IQCH: variants seen among roughly 807,000 people sequenced by gnomAD.
IQCH encodes the protein IQ domain-containing protein H.
In IQCH, 98 loss-of-function variants were observed where a neutral mutation model predicts 117.0. The ratio of observed to expected loss-of-function variants is 0.84; its 90% CI spans 0.71 to 0.99. The LOEUF is 0.99. Among genes scored for constraint, IQCH ranks in the 50% least tolerant of loss-of-function variants. IQCH has a pLI of 0.00. For synonymous variants in IQCH, 412 were observed against 448.2 expected (o/e 0.92, Z 1.02); for missense variants, 1,102 against 1,243.8 (o/e 0.89, Z 1.72).
At chr15:67,298,106 C>T (rs999872521) in intron 4 of IQCH, among the ~76,000 whole-genome samples, 1 of 151,958 alleles carries the variant, frequency 6.6e-6, no homozygotes, top group African/African-American at 2.4e-5. Flanking sequence ...GTCAGGAGTT[C>T]CAGACCAGCC....
intron 4 of IQCH, among the ~76,000 whole-genome samples, chr15:67,326,878 G>T (rs962596027): frequency 6.6e-6 from 1 of 152,054 alleles, no homozygotes; most frequent in African/African-American, 2.4e-5. Context: ...TCAGTAAATT[G>T]ATTTCAGATT....
chr15:67,321,440 TTTTC>T (rs977241124), intron 4 of IQCH, among the ~76,000 whole-genome samples: 7 of 151,720 alleles, frequency 4.6e-5, no homozygotes, highest in African/African-American at 1.5e-4. Context: ...CCTTCTTTTC[TTTTC>T]TTTCTTTCCT....
At chr15:67,340,450 A>AAAC (rs1567110027) in intron 5 of IQCH, among the ~76,000 whole-genome samples, 2 of 121,140 alleles carry the variant, frequency 1.7e-5, no homozygotes, top group Non-Finnish European at 3.5e-5. Flanking sequence ...AAAAAAAAAA[A>AAAC]AAAAAAAAAA....
At chr15:67,329,134 A>G (rs779497182) in intron 4 of IQCH, among the ~76,000 whole-genome samples, 21 of 152,104 alleles carry the variant, frequency 1.4e-4, no homozygotes, top group Non-Finnish European at 4.4e-5. Context: ...CCTAATCTCT[A>G]CACAAAATAC....
At position 67,395,867 on chromosome 15, in the gene IQCH, A is replaced by G. The variant is rs1468329086; in HGVS notation, c.1905+304A>G. ...GTATTTTTAGTAGAGATGGGGTTTCACCATGTTGGCCAGGCTGGTCTCGAA... is the reference window on the plus strand; with the variant it reads ...GTATTTTTAGTAGAGATGGGGTTTCGCCATGTTGGCCAGGCTGGTCTCGAA... On this transcript the variant is annotated intron_variant, in intron 13 of 20. Coordinates refer to ENST00000335894, the MANE Select transcript of IQCH (RefSeq NM_001031715.3). This position sits in a 1 kb window ranked among gnomAD's most constrained non-coding sequence, Gnocchi z 4.0. Among the ~76,000 whole-genome samples the G allele has an allele frequency of 6.6e-6, 1 of 151,876 alleles. No homozygotes were observed. Among genetic ancestry groups the G allele is most frequent in the East Asian group, 1.9e-4 (1 of 5,172 alleles).
At chr15:67,353,338 T>A (rs752696418) in intron 6 of IQCH, among the ~76,000 whole-genome samples, 26 of 142,172 alleles carry the variant, frequency 1.8e-4, no homozygotes, top group Non-Finnish European at 3.8e-4. Context: ...TTGGCTTCTT[T>A]ATTTTTTTAT....
At chr15:67,455,393 C>G (rs961241037) in intron 16 of IQCH, among the ~76,000 whole-genome samples, 3 of 152,178 alleles carry the variant, frequency 2.0e-5, no homozygotes, top group Non-Finnish European at 4.4e-5. Context: ...AGCCGCATGC[C>G]TGGGGTTTGA....
At chr15:67,464,126 G>C (rs2082872368) in intron 16 of IQCH, among the ~76,000 whole-genome samples, 1 of 152,166 alleles carries the variant, frequency 6.6e-6, no homozygotes, top group African/African-American at 2.4e-5. Flanking sequence ...ACCGTGCCCA[G>C]CCTGTCTTCA....
intron 4 of IQCH, among the ~76,000 whole-genome samples, chr15:67,280,852 A>ACTG (rs1966325398): frequency 6.6e-6 from 1 of 150,944 alleles, no homozygotes; most frequent in South Asian, 2.1e-4. Flanking sequence ...TATTATTATT[A>ACTG]TTATTATTAT....
chr15:67,281,825 T>G, intron 4 of IQCH: 1 of 451,474 alleles, frequency 2.2e-6, no homozygotes, highest in Non-Finnish European at 4.4e-6. Context: ...GCATAAATGT[T>G]TGTTGAATGG....
intron 16 of IQCH, among the ~76,000 whole-genome samples, chr15:67,434,071 G>GGT (rs1485626042): frequency 6.9e-6 from 1 of 145,768 alleles, no homozygotes; most frequent in African/African-American, 2.7e-5. Context: ...ATCTCACTTG[G>GGT]ATGTGTGTGT....
At chr15:67,379,560 C>A (rs1254221044) in intron 10 of IQCH, among the ~76,000 whole-genome samples, 1 of 152,154 alleles carries the variant, frequency 6.6e-6, no homozygotes, top group Non-Finnish European at 1.5e-5. Flanking sequence ...CCACCCAAAT[C>A]TTATTTTGAA....
intron 6 of IQCH, among the ~76,000 whole-genome samples, chr15:67,345,121 C>T (rs553597868): frequency 2.6e-4 from 39 of 152,272 alleles, no homozygotes; most frequent in African/African-American, 9.1e-4. Flanking sequence ...TCCCAAGTAC[C>T]TGTGATTACA....
intron 20 of IQCH, among the ~76,000 whole-genome samples, chr15:67,495,289 T>C (rs2083775161): frequency 6.6e-6 from 1 of 152,218 alleles, no homozygotes; most frequent in Non-Finnish European, 1.5e-5. Flanking sequence ...ATTGAGAAGA[T>C]TCAAGAAAAG....
chr15:67,501,054 C>A lies in IQCH; in HGVS notation c.*308C>A. 5.8e-6 allele frequency: 1 copy of A among 173,522 alleles called. No individual in the cohort carries two copies. Among genetic ancestry groups the A allele is most frequent in the East Asian group, 1.5e-4 (1 of 6,550 alleles). 10.7% of individuals were successfully genotyped at this position (173,522 alleles called of 1,614,324 possible). A position where few individuals can be genotyped will look rare whatever the true frequency, so the allele number is the denominator to read the frequency against. ...AAAAGTCTTACTGATATCACCTCCG[C>A]ATTTACTTCCTCATAGGCCTCAGGA... On this transcript the variant is annotated 3_prime_UTR_variant, in exon 21 of 21. Coordinates refer to ENST00000335894, the MANE Select transcript of IQCH (RefSeq NM_001031715.3). This position sits in a 1 kb window ranked among gnomAD's most constrained non-coding sequence, Gnocchi z 5.2.
rs1206521032 is a variant in IQCH, at chr15:67,416,513, G to A, written c.2098-418G>A. Among the ~76,000 whole-genome samples the A allele has an allele frequency of 1.3e-4, 19 of 149,302 alleles. No homozygotes were observed. The highest frequency in any genetic ancestry group is 2.1e-4 in the South Asian group (1 of 4,720). ...GCCTGGGCAACAAGAGCAAAACTGC[G>A]TCTCAAAAAAAAAAAGAAAAAACAA... On this transcript the variant is annotated intron_variant, in intron 14 of 20. Transcript: ENST00000335894. This position sits in a 1 kb window ranked among gnomAD's most constrained non-coding sequence, Gnocchi z 5.1.
intron 16 of IQCH, among the ~76,000 whole-genome samples, chr15:67,429,676 CAG>C (rs1241827639): frequency 6.6e-6 from 1 of 152,178 alleles, no homozygotes; most frequent in African/African-American, 2.4e-5. Context: ...ACATGGGAAA[CAG>C]AAAACTGAGG....
In IQCH at chr15:67,381,530, G is replaced by GTGT. The variant is rs1970928712; in HGVS notation, c.1373-3402_1373-3400dup. Among the ~76,000 whole-genome samples the GTGT allele has an allele frequency of 1.3e-5, 2 of 152,312 alleles. No homozygotes were observed. The highest frequency in any genetic ancestry group is 4.8e-5 in the African/African-American group (2 of 41,560). On this transcript the variant is annotated intron_variant, in intron 10 of 20. Coordinates refer to ENST00000335894, the MANE Select transcript of IQCH (RefSeq NM_001031715.3). The surrounding 1 kb of genome is among the most constrained non-coding windows in gnomAD (Gnocchi z 5.1). ...GAAGAGAGAGTGCCTCTTTCTGCTA[G>GTGT]TGTTGTATTGTTCTGTGCTAATGAG...
rs1970303687 is a variant in IQCH, at chr15:67,365,573, A to T, written c.753+5688A>T. 6.6e-6 allele frequency among the ~76,000 whole-genome samples: 1 copy of T among 152,170 alleles called. No individual in the cohort carries two copies. Among genetic ancestry groups the T allele is most frequent in the Non-Finnish European group, 1.5e-5 (1 of 68,032 alleles). On this transcript the variant is annotated intron_variant, in intron 8 of 20. Transcript: ENST00000335894. The surrounding 1 kb of genome is among the most constrained non-coding windows in gnomAD (Gnocchi z 4.4). Reference sequence around the variant, plus strand: ...TTTTAGTGAGAGAGGCAATAATCAGATATTTAATATAATATCAAAGAGTGA... The same window carrying T: ...TTTTAGTGAGAGAGGCAATAATCAGTTATTTAATATAATATCAAAGAGTGA...
Sources: gnomAD v4.1 joint callset for allele counts (sites outside exome capture counted in the v4.1 genomes callset) on GRCh38, gnomAD v4.1.1 for gene constraint, Gnocchi (gnomAD v3.1) non-coding constraint, MANE v1.5 for transcripts, NCBI Gene and HGNC (gene_info 2026-07-23, HGNC 2026-07-21) for gene names.